The following NRXN3 variants were observed in gnomAD, a reference collection of about 807,000 sequenced individuals.
NRXN3 encodes the protein neurexin III.
NRXN3 carries 32 observed loss-of-function variants against 137.6 expected under a neutral mutation model. That is an observed-to-expected ratio of 0.23 (90% CI 0.18 to 0.31). The LOEUF (loss-of-function observed/expected upper bound fraction) is 0.31, where lower values mean the gene tolerates loss of function less well. Ranked by LOEUF, NRXN3 falls within the 10% of genes least tolerant of loss-of-function variation. NRXN3 has a pLI of 1.00. For missense variants in NRXN3, 1,574 were observed against 2,062.5 expected (o/e 0.76, Z 4.59); for synonymous variants, 798 against 784.5 (o/e 1.02, Z -0.29).
At chr14:78,876,887 AC>A (rs2099115187) in intron 10 of NRXN3, among the ~76,000 whole-genome samples, 1 of 152,086 alleles carries the variant, frequency 6.6e-6, no homozygotes, top group African/African-American at 2.4e-5. Context: ...GTTTTCAGTC[AC>A]TCCAGGCGAG....
chr14:78,411,957 G>T (rs1188716054), intron 4 of NRXN3, among the ~76,000 whole-genome samples: 5 of 152,114 alleles, frequency 3.3e-5, no homozygotes, highest in Non-Finnish European at 5.9e-5. Flanking sequence ...CCTTATCATT[G>T]CTAATGGTAT....
chr14:78,488,595 G>A (rs563925403), intron 4 of NRXN3, among the ~76,000 whole-genome samples: 2 of 152,044 alleles, frequency 1.3e-5, no homozygotes, highest in South Asian at 4.1e-4. Flanking sequence ...TATTGTGGGT[G>A]GGGGGAAGGA....
chr14:78,737,625 G>A (rs535260802), intron 8 of NRXN3, among the ~76,000 whole-genome samples: 3 of 152,270 alleles, frequency 2.0e-5, no homozygotes, highest in East Asian at 3.9e-4. Flanking sequence ...GCAAAAAAGG[G>A]GGGGAGGGGT....
At chr14:78,691,045 G>A (rs2098166194) in intron 6 of NRXN3, among the ~76,000 whole-genome samples, 1 of 152,130 alleles carries the variant, frequency 6.6e-6, no homozygotes, top group Non-Finnish European at 1.5e-5. Flanking sequence ...CTGAAAATGA[G>A]AGGCAGAAAT....
At chr14:79,175,852 G>C (rs1311677486) in intron 15 of NRXN3, among the ~76,000 whole-genome samples, 1 of 152,190 alleles carries the variant, frequency 6.6e-6, no homozygotes, top group African/African-American at 2.4e-5. Flanking sequence ...TCTGTTTCCT[G>C]GCTAAGTTAC....
At chr14:78,300,910 T>A (rs2076807876) in intron 4 of NRXN3, among the ~76,000 whole-genome samples, 1 of 152,206 alleles carries the variant, frequency 6.6e-6, no homozygotes, top group African/African-American at 2.4e-5. Context: ...TTGGCCTGCC[T>A]CCCTCTAAAC....
chr14:78,322,261 A>G (rs1391564826), intron 4 of NRXN3, among the ~76,000 whole-genome samples: 1 of 151,970 alleles, frequency 6.6e-6, no homozygotes, highest in Non-Finnish European at 1.5e-5. Context: ...TGGGAAAGCC[A>G]CAGATGTTAG....
intron 10 of NRXN3, among the ~76,000 whole-genome samples, chr14:78,955,714 A>G (rs1201965186): frequency 2.0e-5 from 3 of 152,084 alleles, no homozygotes; most frequent in Non-Finnish European, 4.4e-5. Flanking sequence ...AACTCTGTTT[A>G]TTTTTCAAGA....
intron 19 of NRXN3, among the ~76,000 whole-genome samples, chr14:79,754,502 TGATATATATATA>T (rs2099010945): frequency 2.1e-5 from 1 of 48,388 alleles, no homozygotes; most frequent in Admixed American, 3.3e-4. Context: ...CACTCTCTCT[TGATATATATATA>T]TATATATATA....
intron 20 of NRXN3, among the ~76,000 whole-genome samples, chr14:79,843,551 T>G (rs1272089663): frequency 6.6e-6 from 1 of 152,188 alleles, no homozygotes; most frequent in African/African-American, 2.4e-5. Context: ...TGCTGTTTCA[T>G]AGCATTTTAA....
chr14:79,724,246 A>G (rs1328690405), intron 19 of NRXN3, among the ~76,000 whole-genome samples: 6 of 152,130 alleles, frequency 3.9e-5, no homozygotes, highest in Admixed American at 3.3e-4. Flanking sequence ...GTCTGCCAAA[A>G]AGATGTCCCT....
chr14:78,749,279 A>G (rs907825759), intron 8 of NRXN3, among the ~76,000 whole-genome samples: 4 of 152,236 alleles, frequency 2.6e-5, no homozygotes, highest in Admixed American at 2.6e-4. Context: ...AATGAGAAAC[A>G]AATCCAATCT....
At chr14:78,962,610 G>T (rs554726233) in intron 11 of NRXN3, among the ~76,000 whole-genome samples, 1 of 152,316 alleles carries the variant, frequency 6.6e-6, no homozygotes, top group African/African-American at 2.4e-5. Flanking sequence ...CATCTCTCAT[G>T]CTTTGCACAG....
At chr14:78,840,128 G>A (rs769952686) in intron 10 of NRXN3, among the ~76,000 whole-genome samples, 19 of 152,166 alleles carry the variant, frequency 1.2e-4, no homozygotes, top group Admixed American at 6.5e-5. Context: ...TCTTCTGAGA[G>A]AACTATTTGA....
chr14:79,327,278 G>A (rs527635551), intron 15 of NRXN3, among the ~76,000 whole-genome samples: 1 of 152,220 alleles, frequency 6.6e-6, no homozygotes, highest in East Asian at 1.9e-4. Flanking sequence ...TCTCTTTGGT[G>A]TAGACCTATA....
At chr14:78,443,132 TA>T (rs1248186914) in intron 4 of NRXN3, among the ~76,000 whole-genome samples, 3 of 152,236 alleles carry the variant, frequency 2.0e-5, no homozygotes, top group African/African-American at 7.2e-5. Flanking sequence ...AATCTGTTTT[TA>T]AAATTCTTTT....
intron 8 of NRXN3, among the ~76,000 whole-genome samples, chr14:78,735,142 G>A (rs2098535806): frequency 6.6e-6 from 1 of 152,156 alleles, no homozygotes. Flanking sequence ...GATATTTATA[G>A]AAGATCCTAT....
intron 15 of NRXN3, among the ~76,000 whole-genome samples, chr14:79,414,519 C>T (rs138049638): frequency 1.1e-3 from 174 of 152,150 alleles, no homozygotes; most frequent in African/African-American, 4.0e-3. Flanking sequence ...TTAAAGCAAT[C>T]GTAGCAAAAA....
chr14:79,620,574 C>A (rs908944947), intron 16 of NRXN3, among the ~76,000 whole-genome samples: 7 of 152,048 alleles, frequency 4.6e-5, no homozygotes, highest in Non-Finnish European at 7.4e-5. Flanking sequence ...GGCAGCATGG[C>A]TGAATAGACC....
Sources: allele counts gnomAD v4.1 joint callset (sites outside exome capture counted in the v4.1 genomes callset), GRCh38; gene constraint gnomAD v4.1.1; transcripts MANE v1.5; gene names NCBI Gene and HGNC (gene_info 2026-07-23, HGNC 2026-07-21).